UNC13B: variants seen among roughly 807,000 people sequenced by gnomAD.
UNC13B encodes protein unc-13 homolog B.
In UNC13B, 144 loss-of-function variants were observed where a neutral mutation model predicts 211.0. That is an observed-to-expected ratio of 0.68 (90% CI 0.60 to 0.78). The LOEUF (loss-of-function observed/expected upper bound fraction) is 0.78, where lower values mean the gene tolerates loss of function less well. UNC13B is among the 30% of genes least tolerant of loss of function. The pLI is 0.00. For synonymous variants in UNC13B, 709 were observed against 725.8 expected (o/e 0.98, Z 0.37); for missense variants, 1,777 against 2,002.0 (o/e 0.89, Z 2.14).
chr9:35,240,176 T>C (rs1042722279), intron 5 of UNC13B, among the ~76,000 whole-genome samples: 1 of 152,224 alleles, frequency 6.6e-6, no homozygotes, highest in East Asian at 1.9e-4. Context: ...CCATGAAATC[T>C]TCACAATTTA....
chr9:35,249,365 A>G (rs1826316221), intron 6 of UNC13B, among the ~76,000 whole-genome samples: 2 of 152,110 alleles, frequency 1.3e-5, no homozygotes, highest in Admixed American at 1.3e-4. Flanking sequence ...ATTTAAGGTT[A>G]ATATTGTTAC....
At chr9:35,252,676 A>C (rs991376266) in intron 6 of UNC13B, among the ~76,000 whole-genome samples, 1 of 151,340 alleles carries the variant, frequency 6.6e-6, no homozygotes, top group Non-Finnish European at 1.5e-5. Context: ...AATTTTCTCA[A>C]TCCCAGCACT....
chr9:35,250,617 C>T (rs750033428), intron 6 of UNC13B, among the ~76,000 whole-genome samples: 6 of 152,102 alleles, frequency 3.9e-5, no homozygotes, highest in Non-Finnish European at 7.4e-5. Context: ...AATGCTGCTT[C>T]GAATGTTTAT....
intron 11 of UNC13B, among the ~76,000 whole-genome samples, chr9:35,359,575 G>A (rs1335759333): frequency 2.0e-5 from 3 of 152,076 alleles, no homozygotes; most frequent in African/African-American, 7.2e-5. Flanking sequence ...TGCCAAACCT[G>A]CCTTTCCTAT....
intron 5 of UNC13B, among the ~76,000 whole-genome samples, chr9:35,242,969 G>A (rs895695906): frequency 2.6e-5 from 4 of 152,166 alleles, no homozygotes; most frequent in Non-Finnish European, 5.9e-5. Flanking sequence ...TACATAGAAA[G>A]AATGTAGTTT....
chr9:35,304,320 G>A lies in UNC13B; in HGVS notation c.4916G>A (p.Cys1639Tyr), dbSNP rs1482652621. 11 of 398,568 alleles carry A rather than the reference G, an allele frequency of 2.8e-5. No individual in the cohort carries two copies. 24.7% of individuals were successfully genotyped at this position (398,568 alleles called of 1,614,324 possible). ...TCACAAGTACTTAAAGAGTCAAGTT[G>A]TGACCAAAGCGATCAGCCACTAGAT... ...TFSQVLKESS[C>Y]DQSDQPLDFS... The change falls in exon 9 of 40, where the codon TGT (cysteine) becomes TAT (tyrosine). Residue 1639 changes from cysteine to tyrosine, a missense_variant. Cys to Tyr is a radical substitution (Grantham distance 194). Coordinates refer to ENST00000635942, the MANE Select transcript of UNC13B (RefSeq NM_001371189.2).
At chr9:35,344,601 C>A (rs897679614) in intron 11 of UNC13B, among the ~76,000 whole-genome samples, 2 of 152,076 alleles carry the variant, frequency 1.3e-5, no homozygotes, top group Non-Finnish European at 2.9e-5. Context: ...ACACCCGCTG[C>A]GGATCTTTGA....
intron 7 of UNC13B, among the ~76,000 whole-genome samples, chr9:35,265,722 A>G (rs1353008604): frequency 6.6e-6 from 1 of 152,120 alleles, no homozygotes; most frequent in Non-Finnish European, 1.5e-5. Flanking sequence ...AGGATGGCTT[A>G]AGGCTGAAGT....
chr9:35,252,614 C>T (rs1826566748), intron 6 of UNC13B, among the ~76,000 whole-genome samples: 1 of 150,780 alleles, frequency 6.6e-6, no homozygotes, highest in Non-Finnish European at 1.5e-5. Context: ...GTCTGATAGT[C>T]TAATTATATT....
rs1564122598 is a variant in UNC13B, at chr9:35,301,569, T to G, written c.2165T>G (p.Met722Arg). Residue 722 changes from methionine (M) to arginine (R), a missense_variant, in exon 9 of 40, where the codon ATG becomes AGG. Coordinates refer to ENST00000635942, the MANE Select transcript of UNC13B (RefSeq NM_001371189.2). Reference sequence around the variant, plus strand: ...GAAGAAACTACGGGCTGGTTCCAGATGCCCACAAGTGAGAATTTGTTGTCC... The same window carrying G: ...GAAGAAACTACGGGCTGGTTCCAGAGGCCCACAAGTGAGAATTTGTTGTCC... ...SDEETTGWFQ[M>R]PTSENLLSSQ... 3 of 398,910 alleles carry G rather than the reference T, an allele frequency of 7.5e-6. No homozygotes were observed. In the East Asian group the frequency reaches 1.1e-4, roughly 14 times the overall value. The allele number at this position is 398,910 out of a possible 1,614,324, so 24.7% of individuals were successfully genotyped here.
In UNC13B at chr9:35,377,656, G is replaced by A; in HGVS notation, c.10024G>A (p.Asp3342Asn). Residue 3342 changes from aspartate to asparagine, a missense_variant, in exon 16 of 40, where the codon GAT (aspartate) becomes AAT (asparagine). Physicochemically the swap from Asp to Asn is conservative, Grantham distance 23. Coordinates refer to ENST00000635942, the MANE Select transcript of UNC13B (RefSeq NM_001371189.2). Reference protein sequence around the residue: ...QMKTVKQSVLDGTSKWSAKIT... With the variant: ...QMKTVKQSVLNGTSKWSAKIT... ...GAAAACAGTGAAGCAGAGTGTACTGGATGGCACCTCCAAATGGTCAGCCAA... is the reference window on the plus strand; with the variant it reads ...GAAAACAGTGAAGCAGAGTGTACTGAATGGCACCTCCAAATGGTCAGCCAA... 3 of 1,614,182 alleles carry A rather than the reference G, an allele frequency of 1.9e-6. No homozygotes were observed. Among genetic ancestry groups the A allele is most frequent in the Non-Finnish European group, 2.5e-6 (3 of 1,180,042 alleles).
chr9:35,317,936 C>T (rs918880774), intron 11 of UNC13B, among the ~76,000 whole-genome samples: 1 of 151,980 alleles, frequency 6.6e-6, no homozygotes, highest in Non-Finnish European at 1.5e-5. Flanking sequence ...TGTAATTCTT[C>T]CTATAAAGCA....
intron 4 of UNC13B, 51 bp downstream of exon 4, chr9:35,236,637 T>G (rs752442045): frequency 6.7e-7 from 1 of 1,485,990 alleles, no homozygotes; most frequent in South Asian, 1.1e-5. Flanking sequence ...CCCATGCTTC[T>G]CCCCATGCTA....
At chr9:35,226,045 G>A (rs1287857322) in intron 1 of UNC13B, among the ~76,000 whole-genome samples, 1 of 152,102 alleles carries the variant, frequency 6.6e-6, no homozygotes, top group Non-Finnish European at 1.5e-5. Context: ...GGATAGGCTA[G>A]GTTTTGCTCT....
intron 3 of UNC13B, among the ~76,000 whole-genome samples, chr9:35,232,200 A>ATTTTTTTTTTTTTTTTTT (rs1825256865): frequency 2.3e-4 from 1 of 4,402 alleles, no homozygotes; most frequent in African/African-American, 9.7e-4. Flanking sequence ...TTTTTTTTTG[A>ATTTTTTTTTTTTTTTTTT]GGCAGGATCT....
At chr9:35,297,507 G>T (rs1829426401) in intron 8 of UNC13B, among the ~76,000 whole-genome samples, 1 of 150,552 alleles carries the variant, frequency 6.6e-6, no homozygotes, top group Admixed American at 6.6e-5. Context: ...AAAAATGCTG[G>T]ATGTTTCCTT....
chr9:35,399,498 T>C (rs376130140), intron 35 of UNC13B, 50 bp downstream of exon 35: 32 of 1,612,804 alleles, frequency 2.0e-5, no homozygotes, highest in African/African-American at 2.7e-5. Flanking sequence ...TCTGAAGTCA[T>C]GGAGAGAGGG....
chr9:35,232,198 T>TTTTTTTTTTTG (rs397941594), intron 3 of UNC13B, among the ~76,000 whole-genome samples: 1 of 141,272 alleles, frequency 7.1e-6, no homozygotes, highest in African/African-American at 2.6e-5. Flanking sequence ...TTTTTTTTTT[T>TTTTTTTTTTTG]GAGGCAGGAT....
intron 7 of UNC13B, among the ~76,000 whole-genome samples, chr9:35,266,873 T>G (rs1271249414): frequency 6.6e-6 from 1 of 152,202 alleles, no homozygotes; most frequent in Non-Finnish European, 1.5e-5. Context: ...GCCCATTTCT[T>G]GAAAGAAAGG....
Sources: allele counts gnomAD v4.1 joint callset (sites outside exome capture counted in the v4.1 genomes callset), GRCh38; gene constraint gnomAD v4.1.1; transcripts MANE v1.5; gene names NCBI Gene and HGNC (gene_info 2026-07-23, HGNC 2026-07-21).